The following PHACTR1 variants were observed in gnomAD, a reference collection of about 807,000 sequenced individuals.
PHACTR1 encodes the protein RPEL repeat containing 1.
Under a neutral mutation model 69.2 loss-of-function variants are expected in PHACTR1, and 16 were observed. The ratio of observed to expected loss-of-function variants is 0.23; its 90% CI spans 0.16 to 0.35. PHACTR1 has a LOEUF of 0.35. Among genes scored for constraint, PHACTR1 ranks in the 10% least tolerant of loss-of-function variants. The pLI, the probability that PHACTR1 is intolerant of heterozygous loss-of-function variation, is 1.00. For synonymous variants in PHACTR1, 312 were observed against 284.5 expected (o/e 1.10, Z -0.97); for missense variants, 510 against 734.7 (o/e 0.69, Z 3.54).
At chr6:12,985,763 A>G (rs1796108870) in intron 4 of PHACTR1, among the ~76,000 whole-genome samples, 1 of 152,042 alleles carries the variant, frequency 6.6e-6, no homozygotes, top group Non-Finnish European at 1.5e-5. Flanking sequence ...TGAATCCCAT[A>G]AACATAATAT....
chr6:12,939,194 C>A (rs569981219), intron 4 of PHACTR1, among the ~76,000 whole-genome samples: 1 of 152,116 alleles, frequency 6.6e-6, no homozygotes, highest in South Asian at 2.1e-4. Flanking sequence ...TAATGAGTAA[C>A]CATTGGAAAA....
rs1773602598 is a variant in PHACTR1 at position 12,800,765 on chromosome 6, G to C, written c.250+50975G>C. 2.0e-5 allele frequency among the ~76,000 whole-genome samples: 3 copies of C among 152,100 alleles called. No homozygotes were observed. The South Asian group carries it at 6.2e-4, about 32-fold the overall frequency. The stretch of plus-strand genomic sequence containing the variant: ...TAGCACAGACTGGTAGCATGTGCCT[G>C]TAGTCCCAGCTCTTTGGGAGGCTGA... On this transcript the variant is annotated intron_variant, in intron 4 of 14. Coordinates refer to ENST00000332995, the MANE Select transcript of PHACTR1 (RefSeq NM_030948.6).
chr6:13,256,554 T>C (rs1015757936), intron 10 of PHACTR1, among the ~76,000 whole-genome samples: 6 of 152,252 alleles, frequency 3.9e-5, no homozygotes, highest in African/African-American at 1.4e-4. Flanking sequence ...TGCTCATGCA[T>C]GTCAGCATAT....
intron 5 of PHACTR1, 95 bp downstream of exon 5, chr6:13,053,624 A>G: frequency 7.2e-7 from 1 of 1,392,312 alleles, no homozygotes; most frequent in Non-Finnish European, 9.6e-7. Flanking sequence ...TGTTTGAACC[A>G]AAGGAGAAAA....
chr6:12,848,036 G>C (rs1779459717), intron 4 of PHACTR1, among the ~76,000 whole-genome samples: 1 of 152,040 alleles, frequency 6.6e-6, no homozygotes, highest in Non-Finnish European at 1.5e-5. Context: ...CTGATCATTG[G>C]GCAGTGCTAG....
intron 5 of PHACTR1, among the ~76,000 whole-genome samples, chr6:13,072,851 G>A (rs1313112065): frequency 2.6e-5 from 4 of 152,256 alleles, no homozygotes; most frequent in South Asian, 2.1e-4. Flanking sequence ...GATATGGAGA[G>A]TAATGACTTC....
In PHACTR1 at chr6:13,133,952, G is replaced by A. The variant is rs547242076; in HGVS notation, c.416-26252G>A. On this transcript the variant is annotated intron_variant, in intron 5 of 14. Coordinates refer to ENST00000332995, the MANE Select transcript of PHACTR1 (RefSeq NM_030948.6). ...GGGAGCGCCTCTGCCCCGCCACCCCGTCTATGATGTGAGGAGCGCCTCTGC... is the reference window on the plus strand; with the variant it reads ...GGGAGCGCCTCTGCCCCGCCACCCCATCTATGATGTGAGGAGCGCCTCTGC... Among the ~76,000 whole-genome samples, 220 of 150,564 alleles carry A rather than the reference G, an allele frequency of 1.5e-3. 1 individual carries two copies. The highest frequency in any genetic ancestry group is 0.013 in the Admixed American group (197 of 15,214).
chr6:12,759,972 A>C (rs2127609389), intron 4 of PHACTR1, among the ~76,000 whole-genome samples: 1 of 152,346 alleles, frequency 6.6e-6, no homozygotes, highest in South Asian at 2.1e-4. Flanking sequence ...CACTTGTAAA[A>C]TAGGACTAGT....
intron 4 of PHACTR1, among the ~76,000 whole-genome samples, chr6:13,030,813 T>A (rs151130769): frequency 7.2e-5 from 11 of 152,356 alleles, no homozygotes; most frequent in Admixed American, 1.3e-4. Flanking sequence ...AAAGCAGAAC[T>A]CACTCAACTA....
At chr6:12,750,526 AG>A (rs1202257611) in intron 4 of PHACTR1, among the ~76,000 whole-genome samples, 16 of 137,306 alleles carry the variant, frequency 1.2e-4, no homozygotes, top group Admixed American at 5.2e-4. Flanking sequence ...GAAGGAAGGA[AG>A]GAAAGAAGGA....
Position 12,914,572 on chromosome 6 carries a change from C to T in PHACTR1, c.251-138793C>T, listed in dbSNP as rs192591114. On this transcript the variant is annotated intron_variant, in intron 4 of 14. Transcript: ENST00000332995. The stretch of plus-strand genomic sequence containing the variant: ...TCTCCGCCTGGAGGTCCTACACACA[C>T]CTTAAATGTAGCAATTGCAAATATG... Among the ~76,000 whole-genome samples the T allele has an allele frequency of 1.1e-3, 161 of 152,226 alleles. 1 individual carries two copies. The highest frequency in any genetic ancestry group is 3.6e-3 in the African/African-American group (148 of 41,528).
chr6:13,253,295 C>T (rs1043265858), intron 10 of PHACTR1, among the ~76,000 whole-genome samples: 4 of 152,178 alleles, frequency 2.6e-5, no homozygotes, highest in African/African-American at 9.7e-5. Flanking sequence ...CTATTTTTAA[C>T]GTTTCATCCC....
At chr6:13,269,740 A>C (rs1777362064) in intron 10 of PHACTR1, among the ~76,000 whole-genome samples, 1 of 152,202 alleles carries the variant, frequency 6.6e-6, no homozygotes, top group Admixed American at 6.5e-5. Flanking sequence ...AGGCTGAGGC[A>C]GGAGAATCGC....
At chr6:12,804,350 T>G (rs1774052808) in intron 4 of PHACTR1, among the ~76,000 whole-genome samples, 1 of 152,198 alleles carries the variant, frequency 6.6e-6, no homozygotes, top group Non-Finnish European at 1.5e-5. Flanking sequence ...TTTTCTGATT[T>G]CTTCTCATAT....
intron 4 of PHACTR1, among the ~76,000 whole-genome samples, chr6:12,963,945 G>A (rs765226619): frequency 5.9e-5 from 9 of 152,176 alleles, no homozygotes; most frequent in Non-Finnish European, 1.2e-4. Context: ...TAGGACAAAC[G>A]TTCAGAAACA....
chr6:13,227,747 T>C, intron 8 of PHACTR1, 69 bp from the exon 9 acceptor site: 1 of 1,550,600 alleles, frequency 6.4e-7, no homozygotes, highest in Non-Finnish European at 8.7e-7. Context: ...AGTTTTAAAA[T>C]GGTTTTGATG....
chr6:12,870,024 G>A (rs374152602), intron 4 of PHACTR1, among the ~76,000 whole-genome samples: 43 of 152,162 alleles, frequency 2.8e-4, no homozygotes, highest in African/African-American at 9.9e-4. Context: ...ACCTGGCTAA[G>A]TGCCTGTAAC....
At chr6:13,059,665 T>C (rs748422133) in intron 5 of PHACTR1, among the ~76,000 whole-genome samples, 5 of 152,114 alleles carry the variant, frequency 3.3e-5, no homozygotes, top group Non-Finnish European at 5.9e-5. Flanking sequence ...ATTTTTAAAA[T>C]AAAAAAATGG....
rs185298041 is a variant in PHACTR1 at position 13,115,736 on chromosome 6, A to G, written c.416-44468A>G. On this transcript the variant is annotated intron_variant, in intron 5 of 14. Coordinates refer to ENST00000332995, the MANE Select transcript of PHACTR1 (RefSeq NM_030948.6). ...AAAGGGCTTGGGGCAGATAATGGAA[A>G]AATGCATGTGAGCACTGCATGCTTG... 3.3e-5 allele frequency among the ~76,000 whole-genome samples: 5 copies of G among 152,310 alleles called. No individual in the cohort carries two copies. In the East Asian group the frequency reaches 9.7e-4, roughly 29 times the overall value.
Sources: allele counts gnomAD v4.1 joint callset (sites outside exome capture counted in the v4.1 genomes callset), GRCh38; gene constraint gnomAD v4.1.1; transcripts MANE v1.5; gene names NCBI Gene and HGNC (gene_info 2026-07-23, HGNC 2026-07-21).